Variants in ADGRL2 observed in about 807,000 individuals in gnomAD.
ADGRL2 encodes the protein adhesion G protein-coupled receptor L2, also known as calcium-independent alpha-latrotoxin receptor 2.
In ADGRL2, 44 loss-of-function variants were observed where a neutral mutation model predicts 157.4. That is an observed-to-expected ratio of 0.28 (90% CI 0.22 to 0.36). ADGRL2 has a LOEUF of 0.36. Among genes scored for constraint, ADGRL2 ranks in the 10% least tolerant of loss-of-function variants. The pLI, the probability that ADGRL2 is intolerant of heterozygous loss-of-function variation, is 1.00. For synonymous variants in ADGRL2, 585 were observed against 624.7 expected (o/e 0.94, Z 0.95); for missense variants, 1,510 against 1,768.9 (o/e 0.85, Z 2.63).
intron 2 of ADGRL2, among the ~76,000 whole-genome samples, chr1:81,487,299 C>T (rs2078529367): frequency 6.6e-6 from 1 of 151,658 alleles, no homozygotes; most frequent in South Asian, 2.1e-4. Context: ...GTATAAGTGG[C>T]CAAATCACAC....
At position 81,849,434 on chromosome 1, in the gene ADGRL2, C is replaced by T. The variant is rs546080239; in HGVS notation, c.73+12377C>T. Reference sequence around the variant, plus strand: ...TTTGTGTTTGGCTTAATTTGGGGCCCTAATTATTCCTAACTTACGTGAGTA... The same window carrying T: ...TTTGTGTTTGGCTTAATTTGGGGCCTTAATTATTCCTAACTTACGTGAGTA... On this transcript the variant is annotated intron_variant, in intron 2 of 23. Coordinates refer to ENST00000686636, the MANE Select transcript of ADGRL2 (RefSeq NM_001366006.2). 3.9e-5 allele frequency among the ~76,000 whole-genome samples: 6 copies of T among 151,982 alleles called. No individual in the cohort carries two copies. The South Asian group carries it at 1.2e-3, about 32-fold the overall frequency.
chr1:81,804,181 A>G (rs1571310906), intron 1 of ADGRL2, among the ~76,000 whole-genome samples: 1 of 152,298 alleles, frequency 6.6e-6, no homozygotes, highest in East Asian at 1.9e-4. Context: ...CTTTAAAAGA[A>G]AATTTACTTC....
chr1:81,320,311 T>C (rs1660414384), intron 1 of ADGRL2, among the ~76,000 whole-genome samples: 1 of 152,226 alleles, frequency 6.6e-6, no homozygotes, highest in Non-Finnish European at 1.5e-5. Flanking sequence ...TCTATGACAG[T>C]AGAAGTAAAC....
chr1:81,846,352 T>G (rs545957998), intron 2 of ADGRL2, among the ~76,000 whole-genome samples: 1 of 79,420 alleles, frequency 1.3e-5, no homozygotes, highest in East Asian at 2.0e-4. Context: ...ATAAAGTTTA[T>G]TTTTAAGAGT....
chr1:81,383,297 T>A (rs2101061083), intron 1 of ADGRL2, among the ~76,000 whole-genome samples: 1 of 152,334 alleles, frequency 6.6e-6, no homozygotes, highest in Middle Eastern at 3.4e-3. Context: ...ACATCTCACT[T>A]AAAATATACA....
chr1:81,597,418 CAT>C (rs764667267), intron 3 of ADGRL2, among the ~76,000 whole-genome samples: 7 of 152,192 alleles, frequency 4.6e-5, no homozygotes, highest in Non-Finnish European at 8.8e-5. Flanking sequence ...TAATATTTTA[CAT>C]GTTTGAATTA....
chr1:81,306,570 A>C (rs1659349885), intron 1 of ADGRL2: 1 of 152,096 alleles, frequency 6.6e-6, no homozygotes, highest in Non-Finnish European at 1.5e-5. Flanking sequence ...TCATTATCAA[A>C]TGTCACTTGA....
intron 1 of ADGRL2, among the ~76,000 whole-genome samples, chr1:81,718,807 A>G (rs1011692660): frequency 6.6e-6 from 1 of 152,146 alleles, no homozygotes; most frequent in South Asian, 2.1e-4. Context: ...TGAACAGAAT[A>G]TTTTTCTATT....
intron 2 of ADGRL2, among the ~76,000 whole-genome samples, chr1:81,504,851 G>A (rs1013063409): frequency 2.0e-5 from 3 of 152,194 alleles, no homozygotes; most frequent in Admixed American, 2.0e-4. Context: ...CAGAGGTTGA[G>A]CCGCCCCAGG....
chr1:81,507,441 T>G (rs2078998103), intron 2 of ADGRL2, among the ~76,000 whole-genome samples: 1 of 152,234 alleles, frequency 6.6e-6, no homozygotes, highest in Non-Finnish European at 1.5e-5. Context: ...GTTCATTTAC[T>G]GATTTATTTA....
chr1:81,474,990 T>C (rs1450242498), intron 2 of ADGRL2, among the ~76,000 whole-genome samples: 1 of 152,166 alleles, frequency 6.6e-6, no homozygotes, highest in African/African-American at 2.4e-5. Context: ...TGATAGGTGG[T>C]ATGTGACAAC....
chr1:81,412,990 T>C (rs1390217005), intron 1 of ADGRL2, among the ~76,000 whole-genome samples: 2 of 152,244 alleles, frequency 1.3e-5, no homozygotes, highest in East Asian at 3.8e-4. Context: ...CAGCTGGTGA[T>C]AAATTTGTTC....
chr1:81,925,969 G>A (rs574232070), intron 3 of ADGRL2, among the ~76,000 whole-genome samples: 9 of 151,996 alleles, frequency 5.9e-5, no homozygotes, highest in South Asian at 4.1e-4. Context: ...TAAAATAGCC[G>A]CAACACAAAT....
chr1:81,550,974 T>C (rs2080131872), intron 2 of ADGRL2, among the ~76,000 whole-genome samples: 1 of 152,170 alleles, frequency 6.6e-6, no homozygotes, highest in African/African-American at 2.4e-5. Flanking sequence ...CATGATGATG[T>C]CATGGGCTTC....
chr1:81,355,714 G>A (rs571679159), intron 1 of ADGRL2, among the ~76,000 whole-genome samples: 1 of 152,102 alleles, frequency 6.6e-6, no homozygotes, highest in Non-Finnish European at 1.5e-5. Context: ...TTAGAAGCAG[G>A]TTCACCCTGG....
At chr1:81,502,946 G>C in intron 2 of ADGRL2, 1 of 1,612,716 alleles carries the variant, frequency 6.2e-7, no homozygotes, top group Non-Finnish European at 8.5e-7. Context: ...ACCACTCTCA[G>C]GAAAGGTGAT....
At chr1:81,730,960 C>A (rs2084702883) in intron 1 of ADGRL2, among the ~76,000 whole-genome samples, 1 of 152,058 alleles carries the variant, frequency 6.6e-6, no homozygotes, top group African/African-American at 2.4e-5. Flanking sequence ...TCACAATTAC[C>A]CTCCCATGAT....
Position 81,980,556 on chromosome 1 carries a change from C to A in ADGRL2, c.3113+596C>A, listed in dbSNP as rs184867935. Among the ~76,000 whole-genome samples the A allele has an allele frequency of 6.6e-4, 100 of 151,608 alleles. 1 individual carries two copies. The highest frequency in any genetic ancestry group is 3.4e-3 in the Middle Eastern group (1 of 294). On this transcript the variant is annotated intron_variant, in intron 18 of 23. Transcript: ENST00000686636. ...CAGAGTTACCTTTAAAATATGTGAGCCTTGTAATTTAGAATTTGAGAAGGT... is the reference window on the plus strand; with the variant it reads ...CAGAGTTACCTTTAAAATATGTGAGACTTGTAATTTAGAATTTGAGAAGGT...
At chr1:81,900,896 A>G (rs1011361725) in intron 2 of ADGRL2, among the ~76,000 whole-genome samples, 1 of 152,160 alleles carries the variant, frequency 6.6e-6, no homozygotes, top group Admixed American at 6.6e-5. Context: ...GGTGATATCT[A>G]GGAGCCGAGG....
Sources: gnomAD v4.1 joint callset for allele counts (sites outside exome capture counted in the v4.1 genomes callset) on GRCh38, gnomAD v4.1.1 for gene constraint, MANE v1.5 for transcripts, NCBI Gene and HGNC (gene_info 2026-07-23, HGNC 2026-07-21) for gene names.